The following C2CD5 variants were observed in gnomAD, a reference collection of about 807,000 sequenced individuals.
C2CD5 encodes C2 calcium dependent domain containing 5.
In C2CD5, 109 loss-of-function variants were observed where a neutral mutation model predicts 130.3. The ratio of observed to expected loss-of-function variants is 0.84; its 90% CI spans 0.72 to 0.98. The LOEUF (loss-of-function observed/expected upper bound fraction) is 0.98, where lower values mean the gene tolerates loss of function less well. Ranked by LOEUF, C2CD5 falls within the 50% of genes least tolerant of loss-of-function variation. The pLI is 0.00. For missense variants in C2CD5, 996 were observed against 1,261.8 expected, an observed-to-expected ratio of 0.79 and a Z score of 3.19; for synonymous variants, 454 against 429.2, an observed-to-expected ratio of 1.06 and a Z score of -0.71.
chr12:22,544,347 C>T lies in C2CD5; in HGVS notation c.-57G>A, dbSNP rs2137417367. 2.1e-6 allele frequency: 1 copy of T among 485,716 alleles called. No homozygotes were observed. The highest frequency in any genetic ancestry group is 3.7e-5 in the East Asian group (1 of 26,940). 30.1% of individuals were successfully genotyped at this position (485,716 alleles called of 1,614,324 possible). ...TCGCAGGAGGAAGGGTGCTGTCCCG[C>T]GCGGGTGCTGAGACCTCATTCCGGA... is the stretch of plus-strand genomic sequence containing the variant. On this transcript the variant is annotated 5_prime_UTR_variant, in exon 1 of 27. Coordinates refer to ENST00000446597, the MANE Select transcript of C2CD5 (RefSeq NM_001286176.2).
At chr12:22,541,048 T>C (rs1224145130) in intron 2 of C2CD5, among the ~76,000 whole-genome samples, 1 of 152,146 alleles carries the variant, frequency 6.6e-6, no homozygotes, top group Non-Finnish European at 1.5e-5. Flanking sequence ...CTGGCTTGTG[T>C]GCTCATTTTT....
intron 10 of C2CD5, among the ~76,000 whole-genome samples, chr12:22,495,401 A>G (rs1286506467): frequency 6.6e-6 from 1 of 152,106 alleles, no homozygotes; most frequent in East Asian, 1.9e-4. Context: ...TAAAACGCCA[A>G]CATGTCTAAA....
intron 14 of C2CD5, among the ~76,000 whole-genome samples, 180 bp from the exon 15 acceptor site, chr12:22,478,657 C>A (rs924775294): frequency 2.6e-5 from 4 of 152,138 alleles, no homozygotes; most frequent in East Asian, 3.9e-4. Context: ...ACCAGCCTGG[C>A]CAACAAGGTG....
chr12:22,454,892 G>T (rs1939503852), intron 25 of C2CD5, among the ~76,000 whole-genome samples: 1 of 152,106 alleles, frequency 6.6e-6, no homozygotes, highest in Non-Finnish European at 1.5e-5. Context: ...ATATATAATT[G>T]TAAGGAAATA....
intron 22 of C2CD5, 101 bp from the exon 23 acceptor site, chr12:22,459,643 G>A: frequency 3.1e-6 from 2 of 649,304 alleles, no homozygotes; most frequent in South Asian, 2.2e-5. Context: ...AAGAATAGGA[G>A]GAAATCTTTA....
At chr12:22,483,203 A>G (rs1274587128) in intron 13 of C2CD5, among the ~76,000 whole-genome samples, 1 of 152,170 alleles carries the variant, frequency 6.6e-6, no homozygotes, top group Non-Finnish European at 1.5e-5. Context: ...AAAGAATCAT[A>G]TTTCAATAAA....
intron 7 of C2CD5, among the ~76,000 whole-genome samples, chr12:22,519,586 T>G (rs1950086707): frequency 6.6e-6 from 1 of 152,140 alleles, no homozygotes; most frequent in South Asian, 2.1e-4. Context: ...CAATAGAACT[T>G]ACTATGCACT....
At chr12:22,515,203 AT>A in intron 8 of C2CD5, 1 of 848,094 alleles carries the variant, frequency 1.2e-6, no homozygotes. Flanking sequence ...TGATCAGAAA[AT>A]GCAGGCTAAG....
chr12:22,533,276 T>C (rs1446612491), intron 3 of C2CD5, among the ~76,000 whole-genome samples: 2 of 152,200 alleles, frequency 1.3e-5, no homozygotes. Flanking sequence ...TAGCTAGCTC[T>C]GGGTTGGACT....
intron 2 of C2CD5, among the ~76,000 whole-genome samples, chr12:22,541,312 T>C (rs1952356813): frequency 6.6e-6 from 1 of 152,220 alleles, no homozygotes; most frequent in Admixed American, 6.5e-5. Context: ...TTGGATAACA[T>C]TACCTGTTAT....
In C2CD5 at chr12:22,457,022, ATACT is replaced by A; in HGVS notation, c.2822_2825del (p.Lys941IlefsTer4). The stretch of plus-strand genomic sequence containing the variant: ...TAAAAAACATGTTAATTATCCCAAG[ATACT>A]TAGTTATTTTTGCTCCAGGAATAAA... On this transcript the variant is annotated frameshift_variant, in exon 25 of 27. Coordinates refer to ENST00000446597, the MANE Select transcript of C2CD5 (RefSeq NM_001286176.2). LOFTEE classifies it high-confidence loss of function. 3 of 1,607,054 alleles carry A rather than the reference ATACT, an allele frequency of 1.9e-6. No homozygotes were observed. The highest frequency in any genetic ancestry group is 2.6e-6 in the Non-Finnish European group (3 of 1,174,832).
intron 9 of C2CD5, among the ~76,000 whole-genome samples, chr12:22,511,544 A>G (rs1242846058): frequency 6.6e-6 from 1 of 152,228 alleles, no homozygotes; most frequent in Non-Finnish European, 1.5e-5. Context: ...AAGGTTGTAA[A>G]TGAAAACTAT....
intron 26 of C2CD5, among the ~76,000 whole-genome samples, chr12:22,451,043 T>A (rs938154982): frequency 6.6e-6 from 1 of 151,564 alleles, no homozygotes; most frequent in African/African-American, 2.4e-5. Context: ...ATGTATAAAA[T>A]CTCTCTGGTT....
intron 9 of C2CD5, among the ~76,000 whole-genome samples, chr12:22,511,760 A>G (rs1949222218): frequency 6.6e-6 from 1 of 152,234 alleles, no homozygotes; most frequent in Admixed American, 6.5e-5. Context: ...TACAGACAAT[A>G]AAGTCACAGG....
At chr12:22,516,098 T>C (rs1008019289) in intron 8 of C2CD5, among the ~76,000 whole-genome samples, 11 of 151,770 alleles carry the variant, frequency 7.2e-5, no homozygotes, top group African/African-American at 2.4e-4. Flanking sequence ...AACTTTATTC[T>C]ACTTTTGGAT....
At chr12:22,521,932 T>A (rs565850053) in intron 7 of C2CD5, among the ~76,000 whole-genome samples, 1 of 152,248 alleles carries the variant, frequency 6.6e-6, no homozygotes, top group South Asian at 2.1e-4. Flanking sequence ...TCCTGACTAC[T>A]GAACTGGGAA....
In C2CD5 at chr12:22,470,863, G is replaced by C. The variant is rs778276506; in HGVS notation, c.2407C>G (p.Gln803Glu). The change falls in exon 21 of 27, where the codon CAA becomes GAA. Residue 803 changes from glutamine (Q) to glutamate (E), a missense_variant. This residue lies in a region of C2CD5 where 590 missense variants were observed against 631.4 expected (regional missense o/e 0.93). Coordinates refer to ENST00000446597, the MANE Select transcript of C2CD5 (RefSeq NM_001286176.2). ...AITFDKNQAL[Q>E]TTKTPVEKSL... ...TTTTCAACAGGGGTTTTTGTGGTTT[G>C]TAAAGCCTGATTTTTGTCAAAAGTG... The C allele has an allele frequency of 6.2e-7, 1 of 1,612,518 alleles. No individual in the cohort carries two copies.
At chr12:22,530,130 A>ACT (rs1951121615) in intron 3 of C2CD5, among the ~76,000 whole-genome samples, 1 of 141,604 alleles carries the variant, frequency 7.1e-6, no homozygotes, top group Non-Finnish European at 1.5e-5. Flanking sequence ...ACACACACAC[A>ACT]CACACACACA....
At chr12:22,522,403 C>A (rs914234805) in intron 7 of C2CD5, among the ~76,000 whole-genome samples, 1 of 152,136 alleles carries the variant, frequency 6.6e-6, no homozygotes, top group Non-Finnish European at 1.5e-5. Flanking sequence ...TCATGACCAC[C>A]ATCATGTTGA....
Sources: allele counts gnomAD v4.1 joint callset (sites outside exome capture counted in the v4.1 genomes callset), GRCh38; gene constraint gnomAD v4.1.1; regional missense constraint gnomAD v4.1.1; transcripts MANE v1.5; gene names NCBI Gene and HGNC (gene_info 2026-07-23, HGNC 2026-07-21).